The following BTNL3 variants were observed in gnomAD, a reference collection of about 807,000 sequenced individuals.
BTNL3 encodes butyrophilin-like protein 3.
In BTNL3, 20 loss-of-function variants were observed where a neutral mutation model predicts 40.1. The observed-to-expected ratio is 0.50, with a 90% confidence interval of 0.35 to 0.72. BTNL3 has a LOEUF of 0.72. BTNL3 is among the 30% of genes least tolerant of loss of function. The pLI is 0.01. For missense variants in BTNL3, 449 were observed against 582.2 expected, an observed-to-expected ratio of 0.77 and a Z score of 2.35; for synonymous variants, 179 against 222.1, an observed-to-expected ratio of 0.81 and a Z score of 1.73.
rs768689824 is a variant in BTNL3 at position 181,005,545 on chromosome 5, T to C, written c.1074T>C (p.Cys358=). 1.9e-6 allele frequency: 3 copies of C among 1,613,908 alleles called. 1 individual carries two copies. The highest frequency in any genetic ancestry group is 2.2e-5 in the South Asian group (2 of 91,086). Residue 358 remains cysteine (C), a synonymous_variant, in exon 8 of 8, where the codon TGT becomes TGC. Coordinates refer to ENST00000342868, the MANE Select transcript of BTNL3 (RefSeq NM_197975.3). ...GQNVGWYVGV[C]RDDVDRGKNN... is the part of the protein sequence containing the mutation. ...ATGTAGGGTGGTATGTGGGAGTGTG[T>C]CGGGATGACGTAGACAGGGGGAAGA...
chr5:181,003,790 G>C, intron 4 of BTNL3, 66 bp from the exon 5 acceptor site: 1 of 1,613,518 alleles, frequency 6.2e-7, no homozygotes, highest in Non-Finnish European at 8.5e-7. Flanking sequence ...TGTGCAAGGA[G>C]CCAGCGTCGT....
chr5:181,000,723 G>A lies in BTNL3; in HGVS notation c.674-1949G>A, dbSNP rs377359077. ...CGGGAGGCTGAGGCAGGAGAATGGC[G>A]TGAACCCGGGAAGCGGAGCTTGCAG... On this transcript the variant is annotated intron_variant, in intron 3 of 7. Transcript: ENST00000342868. 3.8e-3 allele frequency among the ~76,000 whole-genome samples: 506 copies of A among 133,272 alleles called. 106 individuals are homozygous for A. In the East Asian group the frequency reaches 0.057, roughly 15 times the overall value. The allele number at this position is 133,272 out of a possible 152,430, so 87.4% of individuals were successfully genotyped here.
At position 181,006,040 on chromosome 5, in the gene BTNL3, G is replaced by C. The variant is rs1281323426; in HGVS notation, c.*168G>C. On this transcript the variant is annotated 3_prime_UTR_variant, in exon 8 of 8. Transcript: ENST00000342868. Reference sequence around the variant, plus strand: ...AGGTTCTTCTGCCCTGAGCCCTGCAGCAGCGGCAGTCACAGCTTCCAGATG... The same window carrying C: ...AGGTTCTTCTGCCCTGAGCCCTGCACCAGCGGCAGTCACAGCTTCCAGATG... 2 of 731,650 alleles carry C rather than the reference G, an allele frequency of 2.7e-6. No individual in the cohort carries two copies. The highest frequency in any genetic ancestry group is 4.2e-6 in the Non-Finnish European group (2 of 474,420). The allele number at this position is 731,650 out of a possible 1,614,324, so 45.3% of individuals were successfully genotyped here.
At chr5:181,005,221 G>C (rs989693783) in intron 7 of BTNL3, 113 bp from the exon 8 acceptor site, 3 of 1,547,336 alleles carry the variant, frequency 1.9e-6, no homozygotes, top group Admixed American at 3.6e-5. Flanking sequence ...GGGATAGTGG[G>C]ACTGGCCGGA....
chr5:180,997,896 A>C lies in BTNL3; in HGVS notation c.673+408A>C, dbSNP rs148473665. Among the ~76,000 whole-genome samples, 3 of 136,696 alleles carry C rather than the reference A, an allele frequency of 2.2e-5. 1 individual carries two copies. The East Asian group carries it at 6.5e-4, about 29-fold the overall frequency. The allele number at this position is 136,696 out of a possible 152,430, so 89.7% of individuals were successfully genotyped here. A position where few individuals can be genotyped will look rare whatever the true frequency, so the allele number is the denominator to read the frequency against. On this transcript the variant is annotated intron_variant, in intron 3 of 7. Coordinates refer to ENST00000342868, the MANE Select transcript of BTNL3 (RefSeq NM_197975.3). ...TACAAATAGTAGGAAAATTTACATA[A>C]ACTAAAATGCTTCCAGAATCACACT...
Position 181,006,225 on chromosome 5 carries a change from C to G in BTNL3, c.*353C>G, listed in dbSNP as rs7731203. The G allele has an allele frequency of 0.078, 31,795 of 406,462 alleles. 2,310 individuals are homozygous for G. Among genetic ancestry groups the G allele is most frequent in the African/African-American group, 0.26 (12,486 of 48,774 alleles). 25.2% of individuals were successfully genotyped at this position (406,462 alleles called of 1,614,324 possible). ...AGGCTCCTCATTTGCTAGTCACGGA[C>G]AGTGATTCCTGCCTCACAGGTGAAG... On this transcript the variant is annotated 3_prime_UTR_variant, in exon 8 of 8. Transcript: ENST00000342868.
chr5:180,990,346 A>T (rs1759953035), intron 1 of BTNL3, among the ~76,000 whole-genome samples: 1 of 137,616 alleles, frequency 7.3e-6, no homozygotes, highest in African/African-American at 2.5e-5. Flanking sequence ...CCTTTTCTCT[A>T]TGAGCTTGTG....
rs1295297276 is a variant in BTNL3 at position 180,995,170 on chromosome 5, A to G, written c.397+2010A>G. 2.2e-5 allele frequency among the ~76,000 whole-genome samples: 3 copies of G among 135,254 alleles called. 1 individual carries two copies. The highest frequency in any genetic ancestry group is 7.6e-5 in the African/African-American group (3 of 39,370). 88.7% of individuals were successfully genotyped at this position (135,254 alleles called of 152,430 possible). ...TTTTTGCATTTTTTTCTGTTATATT[A>G]CTTCTGATTTGTTTTTTATAACATC... On this transcript the variant is annotated intron_variant, in intron 2 of 7. Coordinates refer to ENST00000342868, the MANE Select transcript of BTNL3 (RefSeq NM_197975.3).
In BTNL3 at chr5:181,005,338, G is replaced by C. The variant is rs1760202423; in HGVS notation, c.867G>C (p.Glu289Asp). 4 of 1,611,034 alleles carry C rather than the reference G, an allele frequency of 2.5e-6. No individual in the cohort carries two copies. The African/African-American group carries it at 5.3e-5, about 22-fold the overall frequency. ...CTCTCCCCCACCGCACCCCAGTGGA[G>C]GTGACTCTGGATCCAGAGACGGCTC... ...ELRDARKHAV[E>D]VTLDPETAHP... The change falls in exon 8 of 8, where the codon GAG (glutamate) becomes GAC (aspartate). Residue 289 changes from glutamate to aspartate, a missense_variant. Glu to Asp is a conservative substitution (Grantham distance 45). This residue lies in a region of BTNL3 where 323 missense variants were observed against 464.9 expected (regional missense o/e 0.69). Transcript: ENST00000342868.
Position 180,997,076 on chromosome 5 carries a change from G to A in BTNL3, c.398-137G>A. The A allele has an allele frequency of 1.7e-6, 2 of 1,197,790 alleles. 1 individual carries two copies. The highest frequency in any genetic ancestry group is 5.2e-5 in the East Asian group (2 of 38,680). 74.2% of individuals were successfully genotyped at this position (1,197,790 alleles called of 1,614,324 possible). Reference sequence around the variant, plus strand: ...GTGTGTGTAAGAGACAGAGAGAAAAGGATGTGTGTGTGTGAGAGAGAGAGA... The same window carrying A: ...GTGTGTGTAAGAGACAGAGAGAAAAAGATGTGTGTGTGTGAGAGAGAGAGA... On this transcript the variant is annotated intron_variant, in intron 2 of 7. Coordinates refer to ENST00000342868, the MANE Select transcript of BTNL3 (RefSeq NM_197975.3).
At chr5:181,004,697 G>C (rs375992218) in intron 6 of BTNL3, 39 bp from the exon 7 acceptor site, 1 of 1,613,922 alleles carries the variant, frequency 6.2e-7, no homozygotes, top group African/African-American at 1.3e-5. Context: ...TGTTTCCCAC[G>C]TGAGCACGGA....
rs376955218 is a variant in BTNL3, at chr5:180,992,049, C to T, written c.50-764C>T. Reference sequence around the variant, plus strand: ...GTGGCTTGGACAAACTTTTGCTAGACGAAGTACTATTCAAGCACGAAATAA... The same window carrying T: ...GTGGCTTGGACAAACTTTTGCTAGATGAAGTACTATTCAAGCACGAAATAA... On this transcript the variant is annotated intron_variant, in intron 1 of 7. Coordinates refer to ENST00000342868, the MANE Select transcript of BTNL3 (RefSeq NM_197975.3). 7.3e-5 allele frequency among the ~76,000 whole-genome samples: 10 copies of T among 137,190 alleles called. 2 individuals carry two copies. The East Asian group carries it at 1.1e-3, about 15-fold the overall frequency. The allele number at this position is 137,190 out of a possible 152,430, so 90.0% of individuals were successfully genotyped here.
Position 181,002,425 on chromosome 5 carries a change from T to G in BTNL3, c.674-247T>G, listed in dbSNP as rs1760132335. On this transcript the variant is annotated intron_variant, in intron 3 of 7. Coordinates refer to ENST00000342868, the MANE Select transcript of BTNL3 (RefSeq NM_197975.3). ...ATATGAAATCCAGATGGATCAAGACTTATAAAGAAATGCAAAGCTTTAACG... is the reference window on the plus strand; with the variant it reads ...ATATGAAATCCAGATGGATCAAGACGTATAAAGAAATGCAAAGCTTTAACG... Among the ~76,000 whole-genome samples the G allele has an allele frequency of 2.3e-5, 2 of 85,390 alleles. 1 individual carries two copies. The highest frequency in any genetic ancestry group is 3.0e-4 in the Admixed American group (2 of 6,598). The allele number at this position is 85,390 out of a possible 152,430, so 56.0% of individuals were successfully genotyped here. A position where few individuals can be genotyped will look rare whatever the true frequency, so the allele number is the denominator to read the frequency against.
rs959594478 is a variant in BTNL3, at chr5:181,001,448, T to A, written c.674-1224T>A. Among the ~76,000 whole-genome samples, 22 of 130,958 alleles carry A rather than the reference T, an allele frequency of 1.7e-4. 2 individuals are homozygous for A. The highest frequency in any genetic ancestry group is 5.8e-4 in the African/African-American group (22 of 38,062). 85.9% of individuals were successfully genotyped at this position (130,958 alleles called of 152,430 possible). ...CCTCCCAAGTAGCTGGGACCACAGGTGTGCACCACCATGCCTGGCTAATTT... is the reference window on the plus strand; with the variant it reads ...CCTCCCAAGTAGCTGGGACCACAGGAGTGCACCACCATGCCTGGCTAATTT... On this transcript the variant is annotated intron_variant, in intron 3 of 7. Coordinates refer to ENST00000342868, the MANE Select transcript of BTNL3 (RefSeq NM_197975.3).
At position 181,002,769 on chromosome 5, in the gene BTNL3, T is replaced by C; in HGVS notation, c.771T>C (p.Val257=). 6.9e-7 allele frequency: 1 copy of C among 1,452,964 alleles called. No individual in the cohort carries two copies. Among genetic ancestry groups the C allele is most frequent in the South Asian group, 1.1e-5 (1 of 89,196 alleles). 90.0% of individuals were successfully genotyped at this position (1,452,964 alleles called of 1,614,324 possible). A position where few individuals can be genotyped will look rare whatever the true frequency, so the allele number is the denominator to read the frequency against. Residue 257 remains valine, a synonymous_variant, in exon 4 of 8, where the codon GTT becomes GTC. Transcript: ENST00000342868. ...LCGVVMGMII[V]FFKSKGKIQA... is the part of the protein sequence containing the mutation. ...GTGTTGTCATGGGGATGATAATTGT[T>C]TTCTTCAAATCCAAAGGTAAGTGAG...
intron 1 of BTNL3, among the ~76,000 whole-genome samples, chr5:180,992,118 G>T (rs762773325): frequency 7.3e-6 from 1 of 136,528 alleles, no homozygotes; most frequent in African/African-American, 2.5e-5. Context: ...TAAAATGTAG[G>T]TGTCATGGAA....
At chr5:180,996,512 T>G (rs1760036523) in intron 2 of BTNL3, among the ~76,000 whole-genome samples, 1 of 136,968 alleles carries the variant, frequency 7.3e-6, no homozygotes, top group African/African-American at 2.5e-5. Flanking sequence ...GTTGCTCAGG[T>G]CAGTGAAGGT....
At position 180,998,998 on chromosome 5, in the gene BTNL3, G is replaced by A. The variant is rs183023217; in HGVS notation, c.673+1510G>A. Among the ~76,000 whole-genome samples, 128 of 135,966 alleles carry A rather than the reference G, an allele frequency of 9.4e-4. 26 individuals are homozygous for A. The highest frequency in any genetic ancestry group is 1.8e-3 in the Non-Finnish European group (106 of 59,490). 89.2% of individuals were successfully genotyped at this position (135,966 alleles called of 152,430 possible). A position where few individuals can be genotyped will look rare whatever the true frequency, so the allele number is the denominator to read the frequency against. On this transcript the variant is annotated intron_variant, in intron 3 of 7. Transcript: ENST00000342868. ...AAAAATTAGCCGGGTGTGGTGGCGG[G>A]TGCCTGTAATCCCAGCTACCTGGGA... is the stretch of plus-strand genomic sequence containing the variant.
chr5:180,993,206 C>T, intron 2 of BTNL3, 46 bp downstream of exon 2: 1 of 1,391,904 alleles, frequency 7.2e-7, no homozygotes, highest in East Asian at 2.7e-5. Context: ...AGTCATGCTA[C>T]CATTATCAGC....
Sources: gnomAD v4.1 joint callset for allele counts (sites outside exome capture counted in the v4.1 genomes callset) on GRCh38, gnomAD v4.1.1 for gene constraint, gnomAD v4.1.1 regional missense constraint, MANE v1.5 for transcripts, NCBI Gene and HGNC (gene_info 2026-07-23, HGNC 2026-07-21) for gene names.